Variants in ACTA2 observed in about 807,000 individuals in gnomAD.
The protein encoded by ACTA2 is actin, aortic smooth muscle.
In ACTA2, 12 loss-of-function variants were observed where a neutral mutation model predicts 39.5. The ratio of observed to expected loss-of-function variants is 0.30; its 90% CI spans 0.19 to 0.49. The LOEUF is 0.49. Among genes scored for constraint, ACTA2 ranks in the 20% least tolerant of loss-of-function variants. ACTA2 has a pLI of 0.99. For missense variants in ACTA2, 236 were observed against 498.8 expected, an observed-to-expected ratio of 0.47 and a Z score of 5.02; for synonymous variants, 158 against 180.6, an observed-to-expected ratio of 0.88 and a Z score of 1.00.
Position 88,941,881 on chromosome 10 carries a change from T to A in ACTA2, c.370-12A>T. On this transcript the variant is annotated splice_polypyrimidine_tract_variant and intron_variant, in intron 4 of 8. Coordinates refer to ENST00000224784, the MANE Select transcript of ACTA2 (RefSeq NM_001613.4). ...GTCTCAAACATAATCTGCAAAGCAA[T>A]CCAAAGAGCTGAGTTAGTGAAGGTG... is the stretch of plus-strand genomic sequence containing the variant. The A allele has an allele frequency of 6.2e-7, 1 of 1,606,948 alleles. No individual in the cohort carries two copies. Among genetic ancestry groups the A allele is most frequent in the Non-Finnish European group, 8.5e-7 (1 of 1,176,060 alleles).
chr10:88,937,958 C>A, intron 8 of ACTA2, 103 bp downstream of exon 8: 1 of 1,396,784 alleles, frequency 7.2e-7, no homozygotes, highest in Non-Finnish European at 1.0e-6. Context: ...CTAAAACCCA[C>A]AATTGCATGT....
In ACTA2 at chr10:88,935,344, T is replaced by C. The variant is rs920243723; in HGVS notation, c.1013A>G (p.Lys338Arg). ...KIKIIAPPER[K>R]YSVWIGGSIL... ...GGAGCCACCGATCCAGACAGAGTAT[T>C]TGCGCTCCGGAGGGGCAATGATCTG... Residue 338 changes from lysine (K) to arginine (R), a missense_variant, in exon 9 of 9, where the codon AAA becomes AGA. Coordinates refer to ENST00000224784, the MANE Select transcript of ACTA2 (RefSeq NM_001613.4). 1.2e-6 allele frequency: 2 copies of C among 1,613,866 alleles called. No homozygotes were observed. The highest frequency in any genetic ancestry group is 1.7e-6 in the Non-Finnish European group (2 of 1,179,816).
Position 88,947,067 on chromosome 10 carries a change from G to T in ACTA2, c.258+191C>A, listed in dbSNP as rs796758166. On this transcript the variant is annotated intron_variant, in intron 3 of 8. Transcript: ENST00000224784. ...TCATCCATGTCCCTACAAAGGACAT[G>T]AACTCATCATTTTTTATGGCTACAA... 6.3e-5 allele frequency: 46 copies of T among 725,078 alleles called. No homozygotes were observed. The African/African-American group carries it at 7.9e-4, about 12-fold the overall frequency. The allele number at this position is 725,078 out of a possible 1,614,324, so 44.9% of individuals were successfully genotyped here.
chr10:88,983,053 GAATCTT>G (rs1307301545), intron 1 of ACTA2, among the ~76,000 whole-genome samples: 1 of 152,144 alleles, frequency 6.6e-6, no homozygotes, highest in Non-Finnish European at 1.5e-5. Flanking sequence ...TACCGAATCA[GAATCTT>G]AATCTTAATA....
At chr10:88,965,118 A>AT (rs547627526) in intron 1 of ACTA2, among the ~76,000 whole-genome samples, 54 of 152,202 alleles carry the variant, frequency 3.5e-4, no homozygotes, top group Middle Eastern at 6.8e-3. Context: ...TCTTAGATGC[A>AT]TTTTTTCTAC....
At chr10:88,976,389 A>G (rs1846565182) in intron 1 of ACTA2, among the ~76,000 whole-genome samples, 1 of 152,208 alleles carries the variant, frequency 6.6e-6, no homozygotes, top group Non-Finnish European at 1.5e-5. Context: ...AACAAGGGGA[A>G]ACTATTTAGT....
chr10:88,936,675 G>A (rs1419504548), intron 8 of ACTA2, among the ~76,000 whole-genome samples: 1 of 151,746 alleles, frequency 6.6e-6, no homozygotes. Flanking sequence ...CCCAGAAGCT[G>A]ATGCTAGAGC....
At chr10:88,991,086 C>A in exon 1 of ACTA2, 1 of 737,262 alleles carries the variant, frequency 1.4e-6, no homozygotes, top group Non-Finnish European at 2.3e-6. Flanking sequence ...TAGGACCTTC[C>A]CTCAGGCCCG....
chr10:88,990,779 G>A lies in ACTA2; in HGVS notation c.-24+160C>T, dbSNP rs992094035. On this transcript the variant is annotated intron_variant, in intron 1 of 4. Coordinates refer to the ACTA2 transcript ENST00000415557. This position sits in a 1 kb window ranked among gnomAD's most constrained non-coding sequence, Gnocchi z 4.9. ...GGAACACACCCTGAGGCCAGCCCTG[G>A]CTGCCCAGGCGGAGCTGCCTCTTCT... The A allele has an allele frequency of 1.3e-6, 2 of 1,527,046 alleles. No individual in the cohort carries two copies. The highest frequency in any genetic ancestry group is 1.1e-5 in the South Asian group (1 of 88,850). The allele number at this position is 1,527,046 out of a possible 1,614,324, so 94.6% of individuals were successfully genotyped here. A position where few individuals can be genotyped will look rare whatever the true frequency, so the allele number is the denominator to read the frequency against.
Position 88,990,867 on chromosome 10 carries a change from C to A in ACTA2, c.-24+72G>T, listed in dbSNP as rs200181814. ...GAAGCTCTTTCACTTCGGAGGATTG[C>A]TCAACAACCATGCTGGGCATCTGGA... On this transcript the variant is annotated intron_variant, in intron 1 of 4. Transcript: ENST00000415557. The surrounding 1 kb of genome is among the most constrained non-coding windows in gnomAD (Gnocchi z 4.9). The A allele has an allele frequency of 2.3e-4, 365 of 1,614,122 alleles. 4 individuals carry two copies. The highest frequency in any genetic ancestry group is 5.0e-5 in the Admixed American group (3 of 60,014).
rs752879983 is a variant in ACTA2, at chr10:88,935,211, C to G, written c.*12G>C. The G allele has an allele frequency of 1.2e-6, 2 of 1,612,226 alleles. No individual in the cohort carries two copies. Among genetic ancestry groups the G allele is most frequent in the Non-Finnish European group, 1.7e-6 (2 of 1,179,580 alleles). On this transcript the variant is annotated 3_prime_UTR_variant, in exon 9 of 9. Transcript: ENST00000224784. ...GTTGTGTGCTAGAGACAGAGAGGAGCAGGAAAGTGTTTTAGAAGCATTTGC... is the reference window on the plus strand; with the variant it reads ...GTTGTGTGCTAGAGACAGAGAGGAGGAGGAAAGTGTTTTAGAAGCATTTGC...
chr10:88,970,733 C>T (rs958406604), intron 1 of ACTA2, among the ~76,000 whole-genome samples: 3 of 151,692 alleles, frequency 2.0e-5, no homozygotes, highest in East Asian at 1.9e-4. Context: ...GTGGGGAGAG[C>T]GGGGAGGGAT....
chr10:88,986,279 C>T (rs1846880139), intron 1 of ACTA2, among the ~76,000 whole-genome samples: 1 of 152,110 alleles, frequency 6.6e-6, no homozygotes, highest in South Asian at 2.1e-4. Flanking sequence ...AGGCATGCTT[C>T]TCATGTTTGT....
intron 1 of ACTA2, among the ~76,000 whole-genome samples, chr10:88,962,676 T>G (rs903008652): frequency 6.6e-6 from 1 of 151,988 alleles, no homozygotes; most frequent in African/African-American, 2.4e-5. Flanking sequence ...GAAATGACCA[T>G]TTTATCAGCA....
chr10:88,978,021 T>G (rs1171536035), intron 1 of ACTA2, among the ~76,000 whole-genome samples: 1 of 43,492 alleles, frequency 2.3e-5, no homozygotes, highest in African/African-American at 9.6e-5. Flanking sequence ...AATGATAGAC[T>G]GGATTAAGAA....
At chr10:88,960,514 C>T (rs1846208568) in intron 1 of ACTA2, among the ~76,000 whole-genome samples, 1 of 152,068 alleles carries the variant, frequency 6.6e-6, no homozygotes, top group African/African-American at 2.4e-5. Flanking sequence ...AGAAAAAAGC[C>T]ATACCAAGAA....
chr10:88,943,333 T>C lies in ACTA2; in HGVS notation c.369+464A>G, dbSNP rs574445296. ...TCATTTCACCTCATTAATGTTCACA[T>C]CAATCCTTGGAAAAATGATAGTATT... On this transcript the variant is annotated intron_variant, in intron 4 of 8. Coordinates refer to ENST00000224784, the MANE Select transcript of ACTA2 (RefSeq NM_001613.4). Among the ~76,000 whole-genome samples the C allele has an allele frequency of 2.6e-5, 4 of 152,322 alleles. 1 individual carries two copies. In the South Asian group the frequency reaches 8.3e-4, roughly 32 times the overall value.
chr10:88,983,633 A>C (rs1398891193), intron 1 of ACTA2, among the ~76,000 whole-genome samples: 9 of 135,990 alleles, frequency 6.6e-5, no homozygotes, highest in South Asian at 4.5e-4. Context: ...AAAAAAAAAA[A>C]AAAAAACACA....
chr10:88,952,699 A>G (rs563763044), intron 1 of ACTA2, 32 bp downstream of exon 1: 4 of 152,404 alleles, frequency 2.6e-5, no homozygotes, highest in East Asian at 3.9e-4. Flanking sequence ...ACTGGAATCT[A>G]TAAGTCACAT....
Sources: gnomAD v4.1 joint callset for allele counts (sites outside exome capture counted in the v4.1 genomes callset) on GRCh38, gnomAD v4.1.1 for gene constraint, Gnocchi (gnomAD v3.1) non-coding constraint, MANE v1.5 for transcripts, NCBI Gene and HGNC (gene_info 2026-07-23, HGNC 2026-07-21) for gene names.